APBB2: variants seen among roughly 807,000 people sequenced by gnomAD.
APBB2 encodes Fe65-like 1.
A neutral mutation model predicts 82.5 loss-of-function variants in APBB2; 38 were observed. The observed-to-expected ratio is 0.46, with a 90% CI of 0.36 to 0.60. APBB2 has a LOEUF of 0.60. Ranked by LOEUF, APBB2 falls within the 20% of genes least tolerant of loss-of-function variation. APBB2 has a pLI of 0.00. For missense variants in APBB2, 772 were observed against 972.3 expected, an observed-to-expected ratio of 0.79 and a Z score of 2.74; for synonymous variants, 341 against 368.2, an observed-to-expected ratio of 0.93 and a Z score of 0.85.
chr4:41,150,993 C>T (rs946778470), intron 1 of APBB2, among the ~76,000 whole-genome samples: 5 of 152,078 alleles, frequency 3.3e-5, no homozygotes, highest in African/African-American at 9.7e-5. Context: ...CCACCTTGGC[C>T]TCTCAAAGCG....
At chr4:40,868,841 CTCTTATT>C (rs1396368417) in intron 12 of APBB2, among the ~76,000 whole-genome samples, 1 of 152,136 alleles carries the variant, frequency 6.6e-6, no homozygotes, top group Non-Finnish European at 1.5e-5. Context: ...CATCAAGGAC[CTCTTATT>C]TTAATAACTT....
intron 12 of APBB2, chr4:40,879,955 G>A (rs1355502548): frequency 1.0e-6 from 1 of 955,510 alleles, no homozygotes; most frequent in Non-Finnish European, 1.2e-6. Context: ...GCCTCTCAAA[G>A]TGCTGGGATT....
intron 10 of APBB2, among the ~76,000 whole-genome samples, chr4:40,916,988 T>G (rs1236127119): frequency 6.6e-6 from 1 of 152,200 alleles, no homozygotes; most frequent in Non-Finnish European, 1.5e-5. Flanking sequence ...TGGGCTCTGC[T>G]GCACCGCAGA....
In APBB2 at chr4:40,824,703, C is replaced by T. The variant is rs1413050452; in HGVS notation, c.1817-944G>A. ...ATGAGGTTTTGCCATGTTGCCTGGG[C>T]TGGTCTTGAACTTCTGGGCTCAAGC... On this transcript the variant is annotated intron_variant, in intron 15 of 17. Coordinates refer to ENST00000508593, the MANE Select transcript of APBB2 (RefSeq NM_004307.2). 2.0e-5 allele frequency among the ~76,000 whole-genome samples: 3 copies of T among 152,086 alleles called. No individual in the cohort carries two copies. The East Asian group carries it at 5.8e-4, about 29-fold the overall frequency.
chr4:40,995,511 T>G (rs905476825), intron 6 of APBB2, among the ~76,000 whole-genome samples: 4 of 151,846 alleles, frequency 2.6e-5, no homozygotes, highest in African/African-American at 9.7e-5. Context: ...ACCACAGGTA[T>G]GTGCCACTAT....
At chr4:40,901,663 C>A (rs984280240) in intron 10 of APBB2, among the ~76,000 whole-genome samples, 1 of 152,170 alleles carries the variant, frequency 6.6e-6, no homozygotes, top group African/African-American at 2.4e-5. Flanking sequence ...GCGCCCATCA[C>A]CATGCCCAGC....
chr4:40,951,270 C>T (rs1790065576), intron 6 of APBB2, among the ~76,000 whole-genome samples: 1 of 151,956 alleles, frequency 6.6e-6, no homozygotes. Context: ...GGGTGTTTCT[C>T]TATGTATGTT....
intron 6 of APBB2, among the ~76,000 whole-genome samples, chr4:40,973,559 C>T (rs749961074): frequency 6.6e-5 from 10 of 152,164 alleles, no homozygotes; most frequent in Non-Finnish European, 1.3e-4. Context: ...TATTTATTTC[C>T]TAGGGCTGCT....
intron 6 of APBB2, among the ~76,000 whole-genome samples, chr4:40,986,884 G>T (rs184039946): frequency 6.6e-6 from 1 of 152,290 alleles, no homozygotes; most frequent in African/African-American, 2.4e-5. Flanking sequence ...TCTTTCCAAG[G>T]TTCTTAACCG....
At chr4:41,017,790 G>C (rs1456631924) in intron 5 of APBB2, among the ~76,000 whole-genome samples, 1 of 152,154 alleles carries the variant, frequency 6.6e-6, no homozygotes, top group East Asian at 1.9e-4. Context: ...AGAGAGGAAA[G>C]AGACTAAGAA....
chr4:41,184,131 C>T (rs975856738), intron 1 of APBB2, among the ~76,000 whole-genome samples: 1 of 152,062 alleles, frequency 6.6e-6, no homozygotes, highest in African/African-American at 2.4e-5. Flanking sequence ...AAGGCCACCA[C>T]TGATCTGACA....
intron 5 of APBB2, among the ~76,000 whole-genome samples, chr4:41,025,920 C>T (rs551691508): frequency 1.0e-3 from 122 of 117,540 alleles, no homozygotes; most frequent in African/African-American, 3.6e-3. Flanking sequence ...CCAGCCTGGG[C>T]GAAAGAGTGA....
chr4:41,134,011 C>T (rs1437888097), intron 2 of APBB2, among the ~76,000 whole-genome samples: 2 of 152,114 alleles, frequency 1.3e-5, no homozygotes, highest in African/African-American at 4.8e-5. Context: ...TGCTCTGTCA[C>T]CCAGGCTGGA....
At chr4:40,963,067 C>T (rs759641097) in intron 6 of APBB2, among the ~76,000 whole-genome samples, 34 of 152,120 alleles carry the variant, frequency 2.2e-4, no homozygotes, top group Non-Finnish European at 2.4e-4. Flanking sequence ...CTAAGCCTCT[C>T]GCTTGTGAAA....
chr4:41,194,594 T>C, intron 1 of APBB2, among the ~76,000 whole-genome samples: 13 of 152,144 alleles, frequency 8.5e-5, no homozygotes, highest in Admixed American at 8.5e-4. Flanking sequence ...CGTCTGAGGA[T>C]GGATGGCCAC....
rs201856783 is a variant in APBB2 at position 41,003,590 on chromosome 4, CAG to C, written c.835+9991_835+9992del. Among the ~76,000 whole-genome samples, 726 of 152,290 alleles carry C rather than the reference CAG, an allele frequency of 4.8e-3. 6 individuals are homozygous for C. The highest frequency in any genetic ancestry group is 0.014 in the Middle Eastern group (4 of 294). ...TCCCTATAAGAAGGCCATGTGAAAA[CAG>C]AGGTACAGCTACAAGCCAAGGAATG... On this transcript the variant is annotated intron_variant, in intron 6 of 17. Coordinates refer to ENST00000508593, the MANE Select transcript of APBB2 (RefSeq NM_004307.2).
At chr4:40,890,561 T>A (rs1406786410) in intron 11 of APBB2, 70 bp from the exon 12 acceptor site, 1 of 1,575,746 alleles carries the variant, frequency 6.3e-7, no homozygotes, top group Non-Finnish European at 8.6e-7. Flanking sequence ...TGTGTGGCCA[T>A]CTAGGAATGC....
chr4:41,094,004 T>C (rs928936065), intron 3 of APBB2, among the ~76,000 whole-genome samples: 6 of 152,194 alleles, frequency 3.9e-5, no homozygotes, highest in African/African-American at 1.4e-4. Flanking sequence ...AGAGTGACTG[T>C]CAGCTATGTG....
intron 1 of APBB2, among the ~76,000 whole-genome samples, chr4:41,206,994 T>C (rs1313720254): frequency 6.6e-6 from 1 of 151,952 alleles, no homozygotes; most frequent in Non-Finnish European, 1.5e-5. Context: ...GGTCAGGAGT[T>C]CGAGACCTGC....
Sources: allele counts gnomAD v4.1 joint callset (sites outside exome capture counted in the v4.1 genomes callset), GRCh38; gene constraint gnomAD v4.1.1; transcripts MANE v1.5; gene names NCBI Gene and HGNC (gene_info 2026-07-23, HGNC 2026-07-21).